The following TTC23 variants were observed in gnomAD, a reference collection of about 807,000 sequenced individuals.
TTC23 encodes the protein tetratricopeptide repeat domain 23, also known as tetratricopeptide repeat protein 23.
In TTC23, 58 loss-of-function variants were observed where a neutral mutation model predicts 55.1. The observed-to-expected ratio is 1.05, with a 90% confidence interval of 0.85 to 1.31. The LOEUF is 1.31. TTC23 is among the 50% of genes most tolerant of loss of function. TTC23 has a pLI of 0.00. For missense variants in TTC23, 516 were observed against 534.4 expected, an observed-to-expected ratio of 0.97 and a Z score of 0.34; for synonymous variants, 203 against 199.9, an observed-to-expected ratio of 1.02 and a Z score of -0.13.
chr15:99,218,840 C>A lies in TTC23; in HGVS notation c.455+58G>T, dbSNP rs541024445. The stretch of plus-strand genomic sequence containing the variant: ...CCATCAGCATCAGCTTTTTACTTGG[C>A]GTGTAAGTGTTACGTGAATAGTATT... On this transcript the variant is annotated intron_variant, in intron 7 of 13. Transcript: ENST00000394132. The A allele has an allele frequency of 1.4e-5, 22 of 1,594,716 alleles. No individual in the cohort carries two copies. In the Admixed American group the frequency reaches 1.6e-4, roughly 11 times the overall value.
chr15:99,241,802 A>C (rs1368489157), intron 2 of TTC23, among the ~76,000 whole-genome samples: 3 of 152,186 alleles, frequency 2.0e-5, no homozygotes, highest in Non-Finnish European at 4.4e-5. Context: ...AGCCTGAGGA[A>C]GGGGCAGGGG....
upstream of TTC23, among the ~76,000 whole-genome samples, chr15:99,250,809 T>C (rs1032563617): frequency 6.6e-6 from 1 of 152,222 alleles, no homozygotes; most frequent in Non-Finnish European, 1.5e-5. Context: ...GGGCAGAGAC[T>C]AGGTTACGTC....
chr15:99,202,110 C>T (rs1199739957), intron 8 of TTC23, among the ~76,000 whole-genome samples: 1 of 152,148 alleles, frequency 6.6e-6, no homozygotes, highest in Admixed American at 6.5e-5. Flanking sequence ...GCCACAGAAA[C>T]CATATGGCCT....
chr15:99,214,284 C>T lies in TTC23; in HGVS notation c.581+4304G>A, dbSNP rs1455502995. ...GCACTTTGGGAGGCCGAGGTGGGCA[C>T]ATCACAAGGTCAAGAGATCGAGACC... On this transcript the variant is annotated intron_variant, in intron 8 of 13. Coordinates refer to ENST00000394132, the MANE Select transcript of TTC23 (RefSeq NM_001288615.3). Among the ~76,000 whole-genome samples the T allele has an allele frequency of 3.3e-5, 5 of 151,810 alleles. No homozygotes were observed. The East Asian group carries it at 9.7e-4, about 29-fold the overall frequency.
intron 8 of TTC23, among the ~76,000 whole-genome samples, chr15:99,201,032 T>C (rs1224934375): frequency 6.6e-6 from 1 of 152,244 alleles, no homozygotes; most frequent in East Asian, 1.9e-4. Context: ...CATGTACACA[T>C]ATGCACAGAA....
intron 9 of TTC23, among the ~76,000 whole-genome samples, chr15:99,190,026 C>A (rs552433765): frequency 6.6e-6 from 1 of 151,830 alleles, no homozygotes; most frequent in Non-Finnish European, 1.5e-5. Flanking sequence ...AAAAAATATA[C>A]AAAAATTAGC....
intron 9 of TTC23, among the ~76,000 whole-genome samples, chr15:99,197,610 A>C (rs916493654): frequency 1.3e-5 from 2 of 152,160 alleles, no homozygotes; most frequent in Non-Finnish European, 2.9e-5. Flanking sequence ...GAAAGGTATC[A>C]AAAAAGGGAG....
intron 10 of TTC23, among the ~76,000 whole-genome samples, chr15:99,166,852 C>A (rs769069851): frequency 6.6e-6 from 1 of 152,154 alleles, no homozygotes; most frequent in Admixed American, 6.5e-5. Context: ...CAGGTTAGGA[C>A]CCCTGTATAT....
At chr15:99,168,694 T>C (rs2623188) in intron 10 of TTC23, among the ~76,000 whole-genome samples, 122,220 of 152,112 alleles carry the variant, frequency 0.8, 49,359 homozygotes, top group African/African-American at 0.89. Flanking sequence ...AGTTGGTGAG[T>C]AAGCTTGATG....
Position 99,156,164 on chromosome 15 carries a change from C to A in TTC23, c.1127G>T (p.Arg376Leu), listed in dbSNP as rs757937021. The stretch of plus-strand genomic sequence containing the variant: ...CAGCTTTACCTTCTTCAGTTTCTTG[C>A]GGGCCCCACTGTGGTTCCCCTGCGC... ...DLAQGNHSGA[R>L]KKLKKCLQIQ... Residue 376 changes from arginine to leucine, a missense_variant, in exon 12 of 14, where the codon CGC becomes CTC. Transcript: ENST00000394132. 11 of 1,614,080 alleles carry A rather than the reference C, an allele frequency of 6.8e-6. No individual in the cohort carries two copies. The Admixed American group carries it at 1.2e-4, about 17-fold the overall frequency.
In TTC23 at chr15:99,218,937, A is replaced by T. The variant is rs774546992; in HGVS notation, c.416T>A (p.Leu139His). 13 of 1,614,052 alleles carry T rather than the reference A, an allele frequency of 8.1e-6. No homozygotes were observed. Among genetic ancestry groups the T allele is most frequent in the Middle Eastern group, 1.6e-4 (1 of 6,084 alleles). ...TAAAGCTCTGCCCATGGTATGGAAA[A>T]GCTCAATGGAAAACTTGAAAACATC... ...NTDVFKFSIELFHTMGRALLS... is the reference protein window; with the variant it reads ...NTDVFKFSIEHFHTMGRALLS... Residue 139 changes from leucine to histidine, a missense_variant, in exon 7 of 14, where the codon CTT becomes CAT. By Grantham distance (99) the Leu-to-His change is moderately conservative. Transcript: ENST00000394132.
chr15:99,215,057 T>C lies in TTC23; in HGVS notation c.581+3531A>G, dbSNP rs575433768. On this transcript the variant is annotated intron_variant, in intron 8 of 13. Transcript: ENST00000394132. ...TTTTAGTAGAGACAGGGTCTCGCCA[T>C]GTTAGCTAGGCTGGTCTTGAACTTC... Among the ~76,000 whole-genome samples the C allele has an allele frequency of 8.2e-4, 125 of 151,874 alleles. 1 individual carries two copies. Among genetic ancestry groups the C allele is most frequent in the Middle Eastern group, 6.8e-3 (2 of 294 alleles).
chr15:99,168,433 C>T (rs1323982312), intron 10 of TTC23, among the ~76,000 whole-genome samples: 2 of 152,246 alleles, frequency 1.3e-5, no homozygotes, highest in Admixed American at 6.5e-5. Flanking sequence ...CCAGCAACCT[C>T]AAGTTCCTGT....
At chr15:99,147,246 GAC>G (rs2069015232) in intron 12 of TTC23, among the ~76,000 whole-genome samples, 3 of 122,760 alleles carry the variant, frequency 2.4e-5, no homozygotes, top group South Asian at 5.1e-4. Context: ...TTTTTTTTGA[GAC>G]AGAGTCTCGC....
chr15:99,244,161 A>AT (rs2080040463), intron 2 of TTC23, among the ~76,000 whole-genome samples: 1 of 152,170 alleles, frequency 6.6e-6, no homozygotes, highest in African/African-American at 2.4e-5. Context: ...AAAAATCCTG[A>AT]TTTACAAAAA....
At chr15:99,205,590 G>GTT (rs368073422) in intron 8 of TTC23, among the ~76,000 whole-genome samples, 4 of 141,340 alleles carry the variant, frequency 2.8e-5, no homozygotes, top group Non-Finnish European at 6.2e-5. Flanking sequence ...TTACTTTCTT[G>GTT]TTTTTTTTTT....
Position 99,137,197 on chromosome 15 carries a change from T to G in TTC23, c.*813A>C, listed in dbSNP as rs1391842642. 6.6e-6 allele frequency: 1 copy of G among 152,326 alleles called. No homozygotes were observed. Among genetic ancestry groups the G allele is most frequent in the Non-Finnish European group, 1.5e-5 (1 of 68,084 alleles). The allele number at this position is 152,326 out of a possible 1,614,324, so 9.4% of individuals were successfully genotyped here. ...GCACTCAAAGCTTCCTGTTCGACTT[T>G]GCCATCCTCACACGACTATGGCCTC... On this transcript the variant is annotated 3_prime_UTR_variant, in exon 14 of 14. Transcript: ENST00000394132.
chr15:99,209,910 A>G (rs1229777187), intron 8 of TTC23, among the ~76,000 whole-genome samples: 2 of 151,816 alleles, frequency 1.3e-5, no homozygotes, highest in Non-Finnish European at 2.9e-5. Context: ...AATTTTTTGT[A>G]TTTGTAATTA....
chr15:99,244,447 G>A (rs529214131), intron 2 of TTC23, among the ~76,000 whole-genome samples: 11 of 152,046 alleles, frequency 7.2e-5, no homozygotes, highest in Middle Eastern at 3.4e-3. Context: ...AAATAAGTTC[G>A]GCAAGGCCAT....
Sources: allele counts gnomAD v4.1 joint callset (sites outside exome capture counted in the v4.1 genomes callset), GRCh38; gene constraint gnomAD v4.1.1; transcripts MANE v1.5; gene names NCBI Gene and HGNC (gene_info 2026-07-23, HGNC 2026-07-21).